ARHGAP15: variants seen among roughly 807,000 people sequenced by gnomAD.
ARHGAP15 encodes the protein rho GTPase-activating protein 15.
A neutral mutation model predicts 63.7 loss-of-function variants in ARHGAP15; 51 were observed. The ratio of observed to expected loss-of-function variants is 0.80; its 90% CI spans 0.64 to 1.01. The LOEUF is 1.01. ARHGAP15 is among the 50% of genes least tolerant of loss of function. The probability of loss-of-function intolerance (pLI) is 0.00; values close to 1 mark genes in which losing one functional copy is unlikely to be tolerated. For synonymous variants in ARHGAP15, 191 were observed against 193.8 expected (o/e 0.99, Z 0.12); for missense variants, 560 against 564.6 (o/e 0.99, Z 0.08).
chr2:143,673,367 G>A (rs578251414), intron 12 of ARHGAP15, among the ~76,000 whole-genome samples: 4 of 152,098 alleles, frequency 2.6e-5, no homozygotes, highest in South Asian at 2.1e-4. Flanking sequence ...GCATGAGCTC[G>A]GCTCACTGCA....
chr2:143,611,164 G>T (rs1559080017), intron 11 of ARHGAP15, among the ~76,000 whole-genome samples: 1 of 152,274 alleles, frequency 6.6e-6, no homozygotes, highest in East Asian at 1.9e-4. Flanking sequence ...AGGAACTCAT[G>T]TTGTTTGTTA....
At chr2:143,730,262 C>A (rs1303255745) in intron 13 of ARHGAP15, among the ~76,000 whole-genome samples, 3 of 152,192 alleles carry the variant, frequency 2.0e-5, no homozygotes, top group South Asian at 2.1e-4. Flanking sequence ...CAGCCACCAT[C>A]CTCTACTGTT....
chr2:143,728,757 C>T (rs938601150), intron 13 of ARHGAP15, among the ~76,000 whole-genome samples: 2 of 152,150 alleles, frequency 1.3e-5, no homozygotes, highest in African/African-American at 4.8e-5. Flanking sequence ...TCAGGGACCC[C>T]GGTCTAGAGG....
intron 6 of ARHGAP15, among the ~76,000 whole-genome samples, chr2:143,427,901 A>C (rs1432344902): frequency 6.6e-6 from 1 of 152,172 alleles, no homozygotes; most frequent in Non-Finnish European, 1.5e-5. Context: ...TGGCATATCA[A>C]ACAATGCAAT....
intron 6 of ARHGAP15, among the ~76,000 whole-genome samples, chr2:143,273,060 T>TGC (rs1681373457): frequency 6.6e-6 from 1 of 151,836 alleles, no homozygotes; most frequent in Non-Finnish European, 1.5e-5. Flanking sequence ...ATTGTTCTTG[T>TGC]GTCTTTTCAA....
intron 2 of ARHGAP15, among the ~76,000 whole-genome samples, chr2:143,190,885 C>T (rs981839878): frequency 6.6e-6 from 1 of 152,216 alleles, no homozygotes; most frequent in Non-Finnish European, 1.5e-5. Flanking sequence ...ATTCTCCTGC[C>T]TCAGCCTCCT....
At chr2:143,568,868 A>T (rs576294218) in intron 11 of ARHGAP15, among the ~76,000 whole-genome samples, 5 of 152,226 alleles carry the variant, frequency 3.3e-5, no homozygotes, top group African/African-American at 1.2e-4. Context: ...TTGCAGGGAC[A>T]TGGATGAAAC....
At chr2:143,306,087 T>C (rs568041162) in intron 6 of ARHGAP15, among the ~76,000 whole-genome samples, 16 of 152,144 alleles carry the variant, frequency 1.1e-4, no homozygotes, top group Admixed American at 9.8e-4. Flanking sequence ...CCCACTACTT[T>C]ATTAAAATCT....
chr2:143,132,365 G>A (rs144449054), intron 1 of ARHGAP15, among the ~76,000 whole-genome samples: 306 of 152,324 alleles, frequency 2.0e-3, no homozygotes, highest in Middle Eastern at 6.8e-3. Context: ...GGATTATCAG[G>A]AGTAGGTCTC....
At chr2:143,211,182 G>A (rs573058311) in intron 3 of ARHGAP15, among the ~76,000 whole-genome samples, 1 of 152,018 alleles carries the variant, frequency 6.6e-6, no homozygotes, top group East Asian at 1.9e-4. Context: ...GAGACAGTAT[G>A]GGAATAAGTG....
chr2:143,290,614 A>G (rs1384402152), intron 6 of ARHGAP15, among the ~76,000 whole-genome samples: 2 of 152,238 alleles, frequency 1.3e-5, no homozygotes, highest in East Asian at 1.9e-4. Context: ...TGTGAACCCA[A>G]TCAAATGCAC....
intron 9 of ARHGAP15, among the ~76,000 whole-genome samples, chr2:143,496,017 CAAAATTG>C (rs1299910297): frequency 6.6e-6 from 1 of 152,106 alleles, no homozygotes; most frequent in Non-Finnish European, 1.5e-5. Flanking sequence ...CTTTATGGTT[CAAAATTG>C]AACTGTGATC....
intron 12 of ARHGAP15, among the ~76,000 whole-genome samples, chr2:143,636,058 T>A (rs956292302): frequency 6.6e-6 from 1 of 152,116 alleles, no homozygotes; most frequent in Non-Finnish European, 1.5e-5. Context: ...GACAGTTAGT[T>A]CTTGGCCCCT....
At chr2:143,671,594 CA>C (rs375930854) in intron 12 of ARHGAP15, among the ~76,000 whole-genome samples, 297 of 151,840 alleles carry the variant, frequency 2.0e-3, no homozygotes, top group African/African-American at 6.9e-3. Context: ...CAAATAGTGG[CA>C]AAAAAAGTCA....
At chr2:143,316,521 T>C (rs1683717712) in intron 6 of ARHGAP15, among the ~76,000 whole-genome samples, 1 of 147,966 alleles carries the variant, frequency 6.8e-6, no homozygotes, top group African/African-American at 2.5e-5. Flanking sequence ...TACATATATA[T>C]TAAAATATAT....
chr2:143,259,626 C>T (rs532375657), intron 6 of ARHGAP15, among the ~76,000 whole-genome samples: 85 of 152,146 alleles, frequency 5.6e-4, no homozygotes, highest in African/African-American at 2.0e-3. Context: ...TGGGTGCTCT[C>T]GGGAGGTATT....
In ARHGAP15 at chr2:143,351,123, C is replaced by G. The variant is rs552895177; in HGVS notation, c.475-84478C>G. Reference sequence around the variant, plus strand: ...AAAGTTTAAGAATGGATGCCGTATGCACAAAGTATGCTTCTGACAATAACT... The same window carrying G: ...AAAGTTTAAGAATGGATGCCGTATGGACAAAGTATGCTTCTGACAATAACT... On this transcript the variant is annotated intron_variant, in intron 6 of 13. Coordinates refer to ENST00000295095, the MANE Select transcript of ARHGAP15 (RefSeq NM_018460.4). 4.6e-5 allele frequency: 7 copies of G among 152,180 alleles called. No homozygotes were observed. In the East Asian group the frequency reaches 1.4e-3, roughly 29 times the overall value. 9.4% of individuals were successfully genotyped at this position (152,180 alleles called of 1,614,324 possible). A position where few individuals can be genotyped will look rare whatever the true frequency, so the allele number is the denominator to read the frequency against.
intron 13 of ARHGAP15, among the ~76,000 whole-genome samples, chr2:143,761,714 CTTTT>C (rs1017053879): frequency 2.0e-5 from 3 of 152,066 alleles, no homozygotes; most frequent in African/African-American, 7.2e-5. Context: ...CAGCATAAGG[CTTTT>C]TTGAGAGGAT....
chr2:143,496,259 G>A (rs1193654734), intron 9 of ARHGAP15, among the ~76,000 whole-genome samples: 1 of 152,120 alleles, frequency 6.6e-6, no homozygotes, highest in African/African-American at 2.4e-5. Flanking sequence ...ATGGAGAAAT[G>A]TTGAGAAAAG....
Sources: allele counts gnomAD v4.1 joint callset (sites outside exome capture counted in the v4.1 genomes callset), GRCh38; gene constraint gnomAD v4.1.1; transcripts MANE v1.5; gene names NCBI Gene and HGNC (gene_info 2026-07-23, HGNC 2026-07-21).